HS6ST3: variants seen among roughly 807,000 people sequenced by gnomAD.
The protein encoded by HS6ST3 is heparan sulfate 6-O-sulfotransferase 3, also known as heparan-sulfate 6-O-sulfotransferase 3.
A neutral mutation model predicts 36.7 loss-of-function variants in HS6ST3; 12 were observed. That is an observed-to-expected ratio of 0.33 (90% CI 0.21 to 0.53). HS6ST3 has a LOEUF of 0.53. Among genes scored for constraint, HS6ST3 ranks in the 20% least tolerant of loss-of-function variants. HS6ST3 has a pLI of 0.95. For missense variants in HS6ST3, 584 were observed against 640.9 expected (o/e 0.91, Z 0.96); for synonymous variants, 240 against 257.5 (o/e 0.93, Z 0.65).
intron 1 of HS6ST3, among the ~76,000 whole-genome samples, chr13:96,355,864 G>A (rs948681068): frequency 6.7e-6 from 1 of 149,450 alleles, no homozygotes; most frequent in South Asian, 2.2e-4. Flanking sequence ...TTCAAAACTG[G>A]AGTCAATCTT....
At chr13:96,600,499 T>G (rs1403299284) in intron 1 of HS6ST3, among the ~76,000 whole-genome samples, 1 of 152,080 alleles carries the variant, frequency 6.6e-6, no homozygotes, top group Non-Finnish European at 1.5e-5. Context: ...CCTACTCCCT[T>G]TTGGTTTTCA....
intron 1 of HS6ST3, among the ~76,000 whole-genome samples, chr13:96,572,826 AG>A (rs1221828333): frequency 6.6e-6 from 1 of 152,202 alleles, no homozygotes; most frequent in Non-Finnish European, 1.5e-5. Flanking sequence ...TCAACTTCCA[AG>A]ATGCATATTG....
chr13:96,401,974 T>C (rs1391401446), intron 1 of HS6ST3, among the ~76,000 whole-genome samples: 1 of 152,174 alleles, frequency 6.6e-6, no homozygotes, highest in African/African-American at 2.4e-5. Context: ...ACTCTGTCTT[T>C]TGTTGTTGTT....
chr13:96,157,476 A>G (rs1353752379), intron 1 of HS6ST3, among the ~76,000 whole-genome samples: 1 of 152,236 alleles, frequency 6.6e-6, no homozygotes, highest in Non-Finnish European at 1.5e-5. Context: ...TAGACACAGC[A>G]CTGACATTTC....
At chr13:96,179,641 A>G (rs2054229904) in intron 1 of HS6ST3, among the ~76,000 whole-genome samples, 1 of 152,156 alleles carries the variant, frequency 6.6e-6, no homozygotes. Context: ...GACTATTACT[A>G]AGTCAGTCTC....
chr13:96,755,264 C>G (rs1594852691), intron 1 of HS6ST3, among the ~76,000 whole-genome samples: 2 of 152,250 alleles, frequency 1.3e-5, no homozygotes, highest in Admixed American at 1.3e-4. Context: ...TGTCTACACA[C>G]TTTTGTGTTT....
intron 1 of HS6ST3, among the ~76,000 whole-genome samples, chr13:96,418,589 T>G (rs1411743642): frequency 6.6e-6 from 1 of 152,168 alleles, no homozygotes; most frequent in Non-Finnish European, 1.5e-5. Context: ...CTTCCTTTTC[T>G]GCCTATAACC....
At chr13:96,338,364 G>A (rs2055112364) in intron 1 of HS6ST3, among the ~76,000 whole-genome samples, 1 of 152,108 alleles carries the variant, frequency 6.6e-6, no homozygotes, top group South Asian at 2.1e-4. Flanking sequence ...TAAGGGAAGG[G>A]GACCCTGGGG....
intron 1 of HS6ST3, among the ~76,000 whole-genome samples, chr13:96,830,797 G>A (rs1878761934): frequency 6.6e-6 from 1 of 152,088 alleles, no homozygotes; most frequent in South Asian, 2.1e-4. Context: ...TTCTCCCTAG[G>A]GGAGCTCTGA....
intron 1 of HS6ST3, among the ~76,000 whole-genome samples, chr13:96,771,972 G>C (rs983894100): frequency 2.2e-4 from 33 of 152,244 alleles, no homozygotes; most frequent in Non-Finnish European, 3.5e-4. Context: ...TTATGTTTCT[G>C]GTACTGTTTT....
chr13:96,574,057 G>A (rs754212945), intron 1 of HS6ST3: 1 of 542,942 alleles, frequency 1.8e-6, no homozygotes, highest in Non-Finnish European at 3.7e-6. Flanking sequence ...AGACAGGGAG[G>A]GACAAGTGGC....
intron 1 of HS6ST3, among the ~76,000 whole-genome samples, chr13:96,196,178 C>T (rs530639783): frequency 1.3e-5 from 2 of 152,126 alleles, no homozygotes; most frequent in African/African-American, 2.4e-5. Context: ...TCTCTGCCAC[C>T]GGCTGAGGCA....
At chr13:96,595,231 G>A (rs940227209) in intron 1 of HS6ST3, among the ~76,000 whole-genome samples, 1 of 152,046 alleles carries the variant, frequency 6.6e-6, no homozygotes, top group African/African-American at 2.4e-5. Context: ...ATATTTTGTA[G>A]AGATGGAGTC....
chr13:96,724,386 G>A (rs1418531210), intron 1 of HS6ST3, among the ~76,000 whole-genome samples: 5 of 152,040 alleles, frequency 3.3e-5, no homozygotes, highest in African/African-American at 9.7e-5. Flanking sequence ...CAATAACAAG[G>A]CATTTTTAAA....
At chr13:96,709,679 C>G (rs772456916) in intron 1 of HS6ST3, among the ~76,000 whole-genome samples, 5 of 152,140 alleles carry the variant, frequency 3.3e-5, no homozygotes, top group Non-Finnish European at 5.9e-5. Flanking sequence ...AGAACCCAAC[C>G]ATGCTGGTGC....
intron 1 of HS6ST3, among the ~76,000 whole-genome samples, chr13:96,138,947 T>C (rs2054016061): frequency 6.6e-6 from 1 of 152,146 alleles, no homozygotes; most frequent in Non-Finnish European, 1.5e-5. Context: ...GGGTGGTTTA[T>C]TTAATTTATA....
At chr13:96,778,122 T>A (rs768090266) in intron 1 of HS6ST3, among the ~76,000 whole-genome samples, 16 of 152,340 alleles carry the variant, frequency 1.1e-4, no homozygotes, top group Middle Eastern at 3.4e-3. Context: ...GACAGCCATA[T>A]GCAGAAAACT....
At chr13:96,812,778 A>AACACACAC (rs57237051) in intron 1 of HS6ST3, among the ~76,000 whole-genome samples, 1 of 150,776 alleles carries the variant, frequency 6.6e-6, no homozygotes, top group African/African-American at 2.4e-5. Context: ...TTTAAAAATC[A>AACACACAC]ACACACACAC....
intron 1 of HS6ST3, among the ~76,000 whole-genome samples, chr13:96,099,447 A>C (rs989577842): frequency 2.0e-5 from 3 of 152,228 alleles, no homozygotes; most frequent in Non-Finnish European, 4.4e-5. Flanking sequence ...GGAAACTTGC[A>C]GTCTTTTTCC....
Sources: allele counts gnomAD v4.1 joint callset (sites outside exome capture counted in the v4.1 genomes callset), GRCh38; gene constraint gnomAD v4.1.1; transcripts MANE v1.5; gene names NCBI Gene and HGNC (gene_info 2026-07-23, HGNC 2026-07-21).